The following EOLA2 variants were observed in gnomAD, a reference collection of about 807,000 sequenced individuals.
EOLA2 encodes protein EOLA2.
In EOLA2, 3 loss-of-function variants were observed where a neutral mutation model predicts 4.1. The observed-to-expected ratio is 0.73, with a 90% CI of 0.33 to 1.89. The LOEUF (loss-of-function observed/expected upper bound fraction) is 1.89. EOLA2 is among the 40% of genes most tolerant of loss of function. EOLA2 has a pLI of 0.08. For missense variants in EOLA2, 109 were observed against 126.4 expected, an observed-to-expected ratio of 0.86 and a Z score of 0.66; for synonymous variants, 52 against 51.7, an observed-to-expected ratio of 1.01 and a Z score of -0.03.
Position 149,932,743 on chromosome X carries a change from A to G in EOLA2, c.278T>C (p.Leu93Ser). 1 of 1,204,422 alleles carries G rather than the reference A, an allele frequency of 8.3e-7. No homozygotes were observed. Among genetic ancestry groups the G allele is most frequent in the Non-Finnish European group, 1.1e-6 (1 of 892,863 alleles). ...IAGLVDIGET[L>S]QCPEDLTPDE... is the part of the protein sequence containing the mutation. ...GGGAGTTAAGTCTTCGGGGCATTGC[A>G]AAGTTTCCCCAATGTCAACGAGTCC... is the stretch of plus-strand genomic sequence containing the variant. Residue 93 changes from leucine (L) to serine (S), a missense_variant, in exon 5 of 5, where the codon TTG (leucine) becomes TCG (serine). Transcript: ENST00000370406.
intron 2 of EOLA2, among the ~76,000 whole-genome samples, chrX:149,934,897 T>TA (rs1348927554): frequency 1.8e-5 from 2 of 112,217 alleles, no homozygotes; most frequent in African/African-American, 3.2e-5. Flanking sequence ...AGCCCAGTCA[T>TA]AGACTCTTGA....
rs142964878 is a variant in EOLA2 at position 149,933,673 on chromosome X, T to C, written c.202A>G (p.Ile68Val). Residue 68 changes from isoleucine to valine, a missense_variant, in exon 4 of 5, where the codon ATT (isoleucine) becomes GTT (valine). Ile to Val is a conservative substitution (Grantham distance 29). Transcript: ENST00000370406. ...TCCCCTTTCCTGAGCAAGGCCTGAA[T>C]CTGAGCAGGAGTCATCCCGAGTCTC... ...VERLGMTPAQIQALLRKGEKF... is the reference protein window; with the variant it reads ...VERLGMTPAQVQALLRKGEKF... The C allele has an allele frequency of 3.1e-4, 378 of 1,205,722 alleles. 11 individuals carry two copies. In the African/African-American group the frequency reaches 5.0e-3, roughly 16 times the overall value.
rs1603048508 is a variant in EOLA2, at chrX:149,938,349, A to C, written c.-367T>G. On this transcript the variant is annotated 5_prime_UTR_variant, in exon 1 of 5. Coordinates refer to ENST00000370406, the MANE Select transcript of EOLA2 (RefSeq NM_001013845.2). ...AGGAGACGTGGGCCGCGGTGAGAAG[A>C]GAGAGCACCCGGCTCGTGTCAGGGC... is the stretch of plus-strand genomic sequence containing the variant. The C allele has an allele frequency of 2.7e-5, 3 of 112,883 alleles. No individual in the cohort carries two copies. The highest frequency in any genetic ancestry group is 9.6e-5 in the African/African-American group (3 of 31,119). 9.3% of individuals were successfully genotyped at this position (112,883 alleles called of 1,213,427 possible).
At position 149,938,276 on chromosome X, in the gene EOLA2, TAC is replaced by T. The variant is rs1228476253; in HGVS notation, c.-296_-295del. 4.5e-5 allele frequency: 5 copies of T among 112,296 alleles called. No homozygotes were observed. Among genetic ancestry groups the T allele is most frequent in the African/African-American group, 1.6e-4 (5 of 30,902 alleles). The allele number at this position is 112,296 out of a possible 1,213,427, so 9.3% of individuals were successfully genotyped here. The stretch of plus-strand genomic sequence containing the variant: ...CCGACTCTGGCTTTTGGCCTCAGAG[TAC>T]AGTCCTCCGCCTCCTCGCGACCCAG... On this transcript the variant is annotated 5_prime_UTR_variant, in exon 1 of 5. Transcript: ENST00000370406.
chrX:149,931,259 A>G (rs1406304425), downstream of EOLA2: 3 of 411,230 alleles, frequency 7.3e-6, no homozygotes, highest in Non-Finnish European at 1.1e-5. Context: ...AATTCCATGG[A>G]AATAAATAAT....
chrX:149,934,842 A>G (rs148591500), intron 2 of EOLA2, among the ~76,000 whole-genome samples: 305 of 112,392 alleles, frequency 2.7e-3, no homozygotes, highest in East Asian at 0.013. Flanking sequence ...CACGGAGGAC[A>G]GCCCTGTGCC....
downstream of EOLA2, chrX:149,931,057 CCT>C (rs1557374187): frequency 2.1e-6 from 2 of 936,332 alleles, no homozygotes; most frequent in African/African-American, 4.1e-5. Flanking sequence ...TGTTGGCCTC[CCT>C]CTCAGTCATG....
intron 2 of EOLA2, 27 bp from the exon 3 acceptor site, chrX:149,934,164 A>G: frequency 2.0e-6 from 2 of 1,018,827 alleles, no homozygotes; most frequent in Non-Finnish European, 2.5e-6. Context: ...GCAGGATAGC[A>G]TGTGGTCAGT....
rs200574355 is a variant in EOLA2 at position 149,933,800 on chromosome X, C to T, written c.75G>A (p.Thr25=). ...GGCTGCTCAGCAGAGGACGCCAGCG[C>T]GTCTCCACAGTCTTGATTCCATTTA... ...FVLNGIKTVE[T]RWRPLLSSQR... Residue 25 remains threonine, a synonymous_variant, in exon 4 of 5, where the codon ACG becomes ACA. Coordinates refer to ENST00000370406, the MANE Select transcript of EOLA2 (RefSeq NM_001013845.2). The T allele has an allele frequency of 2.2e-5, 26 of 1,202,720 alleles. 1 individual carries two copies. Among genetic ancestry groups the T allele is most frequent in the African/African-American group, 7.4e-5 (4 of 54,338 alleles).
chrX:149,930,608 CAG>C (rs1471066995), downstream of EOLA2: 5 of 284,526 alleles, frequency 1.8e-5, no homozygotes, highest in East Asian at 5.0e-5. Context: ...CTCCAATTTT[CAG>C]AGAGACAAGC....
intron 2 of EOLA2, 114 bp from the exon 3 acceptor site, chrX:149,934,251 C>A (rs1442097862): frequency 1.4e-6 from 1 of 735,171 alleles, no homozygotes; most frequent in African/African-American, 2.2e-5. Context: ...AGCGGAGAGT[C>A]GGGGCTGGTG....
At chrX:149,933,371 A>G (rs1252579493) in intron 4 of EOLA2, among the ~76,000 whole-genome samples, 1 of 110,066 alleles carries the variant, frequency 9.1e-6, no homozygotes, top group Non-Finnish European at 1.9e-5. Flanking sequence ...GGCCCTGACC[A>G]GGCTTCTCAC....
At chrX:149,936,124 C>A (rs1314155335) in intron 2 of EOLA2, among the ~76,000 whole-genome samples, 3 of 104,437 alleles carry the variant, frequency 2.9e-5, no homozygotes, top group African/African-American at 1.1e-4. Flanking sequence ...GGGCTCCCTG[C>A]CCCAACTAGC....
intron 4 of EOLA2, 106 bp downstream of exon 4, chrX:149,933,516 T>C (rs1236303588): frequency 1.2e-5 from 10 of 860,117 alleles, no homozygotes; most frequent in African/African-American, 2.2e-5. Context: ...AACTGTGTTA[T>C]ACACGCCAAT....
intron 2 of EOLA2, among the ~76,000 whole-genome samples, chrX:149,935,604 G>A (rs1328803221): frequency 1.1e-5 from 1 of 91,710 alleles, no homozygotes; most frequent in Admixed American, 1.2e-4. Flanking sequence ...CTTCATCTTA[G>A]TCCATGCTCA....
At chrX:149,933,966 T>C in intron 3 of EOLA2, 39 bp downstream of exon 3, 27 of 1,156,548 alleles carry the variant, frequency 2.3e-5, no homozygotes, top group Non-Finnish European at 3.1e-5. Flanking sequence ...TGGCCTGACC[T>C]TCCCCCCGTG....
chrX:149,932,987 AGAG>A (rs2124150197), intron 4 of EOLA2, among the ~76,000 whole-genome samples: 1 of 103,127 alleles, frequency 9.7e-6, no homozygotes, highest in Admixed American at 1.0e-4. Flanking sequence ...CCAGAAAGGC[AGAG>A]GAGAGGGCCT....
intron 2 of EOLA2, among the ~76,000 whole-genome samples, chrX:149,937,029 G>A (rs1557376283): frequency 9.1e-6 from 1 of 109,877 alleles, no homozygotes; most frequent in African/African-American, 3.3e-5. Context: ...CGCCTGGCAC[G>A]CCCATCTAAG....
At chrX:149,931,804 CAAA>C (rs782666125), downstream of EOLA2, among the ~76,000 whole-genome samples, 426 of 46,783 alleles carry the variant, frequency 9.1e-3, 5 homozygotes, top group African/African-American at 0.027. Context: ...GCTAAATCAC[CAAA>C]AAAAAAAAAA....
Sources: allele counts gnomAD v4.1 joint callset (sites outside exome capture counted in the v4.1 genomes callset), GRCh38; gene constraint gnomAD v4.1.1; transcripts MANE v1.5; gene names NCBI Gene and HGNC (gene_info 2026-07-23, HGNC 2026-07-21).